Variants in KCNT2 observed in about 807,000 individuals in gnomAD.
KCNT2 encodes the protein potassium sodium-activated channel subfamily T member 2, also known as potassium channel subfamily T member 2.
Under a neutral mutation model 153.8 loss-of-function variants are expected in KCNT2, and 67 were observed. The observed-to-expected ratio is 0.44, with a 90% CI of 0.36 to 0.53. The LOEUF (loss-of-function observed/expected upper bound fraction) is 0.53. Among genes scored for constraint, KCNT2 ranks in the 20% least tolerant of loss-of-function variants. The probability of loss-of-function intolerance (pLI) is 0.00; values close to 1 mark genes in which losing one functional copy is unlikely to be tolerated. For missense variants in KCNT2, 975 were observed against 1,354.8 expected, an observed-to-expected ratio of 0.72 and a Z score of 4.40; for synonymous variants, 500 against 458.8, an observed-to-expected ratio of 1.09 and a Z score of -1.15.
At chr1:196,500,104 A>G (rs1202150924) in intron 1 of KCNT2, among the ~76,000 whole-genome samples, 2 of 151,462 alleles carry the variant, frequency 1.3e-5, no homozygotes, top group Non-Finnish European at 2.9e-5. Flanking sequence ...AGATTGCACA[A>G]CTGCACTCCA....
chr1:196,258,992 C>T (rs535450297), intron 25 of KCNT2, among the ~76,000 whole-genome samples: 3 of 152,152 alleles, frequency 2.0e-5, no homozygotes, highest in South Asian at 2.1e-4. Context: ...CTGGCATGAA[C>T]GTTATAATAT....
chr1:196,391,823 GCA>G (rs1670521547), intron 13 of KCNT2, among the ~76,000 whole-genome samples: 1 of 151,196 alleles, frequency 6.6e-6, no homozygotes, highest in African/African-American at 2.4e-5. Flanking sequence ...AGAACTCTTT[GCA>G]CTATCTATAC....
At chr1:196,477,153 T>C (rs1323952135) in intron 5 of KCNT2, among the ~76,000 whole-genome samples, 2 of 152,158 alleles carry the variant, frequency 1.3e-5, no homozygotes, top group Non-Finnish European at 2.9e-5. Flanking sequence ...TAGTGTTTTT[T>C]TTAAGATGGC....
At position 196,246,590 on chromosome 1, in the gene KCNT2, T is replaced by A. The variant is rs561917313; in HGVS notation, c.3212-10520A>T. On this transcript the variant is annotated intron_variant, in intron 26 of 27. Transcript: ENST00000294725. ...GTTTTCAGGACATAGTATAATAAGA[T>A]ATAAATACAAACAAAAAAAAGTTAA... 5.9e-5 allele frequency among the ~76,000 whole-genome samples: 9 copies of A among 152,184 alleles called. No individual in the cohort carries two copies. The South Asian group carries it at 1.0e-3, about 18-fold the overall frequency.
chr1:196,335,452 T>A (rs1387073223), intron 16 of KCNT2, among the ~76,000 whole-genome samples: 1 of 152,166 alleles, frequency 6.6e-6, no homozygotes, highest in Non-Finnish European at 1.5e-5. Flanking sequence ...ACTACAAATC[T>A]GTACAGCATG....
intron 14 of KCNT2, among the ~76,000 whole-genome samples, chr1:196,367,728 C>T (rs895771343): frequency 6.6e-6 from 1 of 152,138 alleles, no homozygotes; most frequent in East Asian, 1.9e-4. Flanking sequence ...CCACTCTTCC[C>T]TTGCCTTTCT....
chr1:196,233,871 G>T (rs1654176845), intron 27 of KCNT2, among the ~76,000 whole-genome samples: 1 of 151,444 alleles, frequency 6.6e-6, no homozygotes, highest in Admixed American at 6.6e-5. Flanking sequence ...CATGGAGATA[G>T]TAGGCAGAAT....
chr1:196,298,391 C>G (rs1660871702), intron 22 of KCNT2, among the ~76,000 whole-genome samples: 1 of 152,124 alleles, frequency 6.6e-6, no homozygotes, highest in Non-Finnish European at 1.5e-5. Flanking sequence ...GCTAAAATAA[C>G]TCACAGAACA....
At chr1:196,509,098 G>T (rs944116548) in intron 1 of KCNT2, among the ~76,000 whole-genome samples, 2 of 151,896 alleles carry the variant, frequency 1.3e-5, no homozygotes, top group Non-Finnish European at 2.9e-5. Flanking sequence ...GTGAAACCCC[G>T]TCTCTACTAA....
intron 1 of KCNT2, among the ~76,000 whole-genome samples, chr1:196,555,814 A>G (rs1054567418): frequency 7.3e-5 from 11 of 151,420 alleles, no homozygotes; most frequent in Non-Finnish European, 1.5e-4. Flanking sequence ...ACACAGACCA[A>G]TGGAAAACAA....
chr1:196,330,035 G>T (rs1410400573), intron 18 of KCNT2, among the ~76,000 whole-genome samples: 2 of 139,354 alleles, frequency 1.4e-5, no homozygotes, highest in African/African-American at 5.5e-5. Flanking sequence ...AATCTCATTT[G>T]AATGAAAGCA....
At chr1:196,561,687 G>GAAAT in intron 1 of KCNT2, among the ~76,000 whole-genome samples, 1 of 65,586 alleles carries the variant, frequency 1.5e-5, no homozygotes, top group East Asian at 5.8e-4. Flanking sequence ...AGAAGAAGAA[G>GAAAT]AAAGAATAGA....
At chr1:196,354,665 G>T (rs1667026561) in intron 14 of KCNT2, among the ~76,000 whole-genome samples, 1 of 151,600 alleles carries the variant, frequency 6.6e-6, no homozygotes, top group South Asian at 2.1e-4. Flanking sequence ...CTATTTTGAA[G>T]AAGATAAGAA....
intron 1 of KCNT2, among the ~76,000 whole-genome samples, chr1:196,553,540 T>C (rs1658232326): frequency 6.6e-6 from 1 of 151,002 alleles, no homozygotes; most frequent in South Asian, 2.1e-4. Flanking sequence ...AATACACTAA[T>C]AGCTGATTAA....
rs529897501 is a variant in KCNT2, at chr1:196,308,156, C to T, written c.2484-2811G>A. 5.3e-5 allele frequency among the ~76,000 whole-genome samples: 8 copies of T among 150,126 alleles called. No individual in the cohort carries two copies. In the East Asian group the frequency reaches 1.4e-3, roughly 26 times the overall value. On this transcript the variant is annotated intron_variant, in intron 21 of 27. Coordinates refer to ENST00000294725, the MANE Select transcript of KCNT2 (RefSeq NM_198503.5). ...TCTAAGGTTCTCCTCTTTGTCTTTT[C>T]CTCTTTTTTTTCTCTCCGATGGGTA...
chr1:196,540,328 C>T (rs1026771181), intron 1 of KCNT2, among the ~76,000 whole-genome samples: 3 of 152,104 alleles, frequency 2.0e-5, no homozygotes, highest in Admixed American at 6.6e-5. Flanking sequence ...AAAGTTAAAA[C>T]TTAAATTATA....
intron 1 of KCNT2, among the ~76,000 whole-genome samples, chr1:196,521,271 T>G (rs535488609): frequency 6.6e-6 from 1 of 152,234 alleles, no homozygotes; most frequent in South Asian, 2.1e-4. Flanking sequence ...TAAGAATGGC[T>G]ATTATTTTTA....
chr1:196,435,967 T>C (rs1215520607), intron 8 of KCNT2, among the ~76,000 whole-genome samples: 1 of 151,624 alleles, frequency 6.6e-6, no homozygotes, highest in African/African-American at 2.4e-5. Context: ...GTTCACACTG[T>C]TTAAGAAAAA....
intron 1 of KCNT2, among the ~76,000 whole-genome samples, chr1:196,515,014 A>G (rs972487711): frequency 1.3e-5 from 2 of 152,226 alleles, no homozygotes; most frequent in African/African-American, 4.8e-5. Flanking sequence ...CAGCCTCTTG[A>G]CATAATCCAT....
Sources: gnomAD v4.1 joint callset for allele counts (sites outside exome capture counted in the v4.1 genomes callset) on GRCh38, gnomAD v4.1.1 for gene constraint, MANE v1.5 for transcripts, NCBI Gene and HGNC (gene_info 2026-07-23, HGNC 2026-07-21) for gene names.